DOCK8: variants seen among roughly 807,000 people sequenced by gnomAD.
DOCK8 encodes dedicator of cytokinesis protein 8.
A neutral mutation model predicts 245.6 loss-of-function variants in DOCK8; 141 were observed. That is an observed-to-expected ratio of 0.57 (90% CI 0.50 to 0.66). DOCK8 has a LOEUF of 0.66. DOCK8 is among the 30% of genes least tolerant of loss of function. DOCK8 has a pLI of 0.00. For synonymous variants in DOCK8, 1,168 were observed against 970.2 expected (o/e 1.20, Z -3.79); for missense variants, 2,965 against 2,603.4 (o/e 1.14, Z -3.02).
At chr9:348,709 T>G (rs1476428039) in intron 14 of DOCK8, among the ~76,000 whole-genome samples, 2 of 152,240 alleles carry the variant, frequency 1.3e-5, no homozygotes, top group African/African-American at 4.8e-5. Context: ...ATTTCTATAC[T>G]TTTGTTAGTT....
intron 1 of DOCK8, among the ~76,000 whole-genome samples, chr9:217,792 A>G (rs1385143741): frequency 2.0e-5 from 3 of 152,184 alleles, no homozygotes; most frequent in Non-Finnish European, 2.9e-5. Context: ...AAACTCATGA[A>G]GTCTTGTACA....
At chr9:308,158 T>C (rs2049934383) in intron 5 of DOCK8, among the ~76,000 whole-genome samples, 1 of 152,186 alleles carries the variant, frequency 6.6e-6, no homozygotes, top group Admixed American at 6.5e-5. Flanking sequence ...GTGACTAGAA[T>C]TAATAATAAT....
At chr9:307,904 C>G (rs1391631568) in intron 5 of DOCK8, among the ~76,000 whole-genome samples, 1 of 152,146 alleles carries the variant, frequency 6.6e-6, no homozygotes, top group Non-Finnish European at 1.5e-5. Context: ...GAAGTCCTGT[C>G]ATTTGCATCA....
intron 14 of DOCK8, among the ~76,000 whole-genome samples, chr9:367,146 A>T (rs941199645): frequency 6.6e-6 from 1 of 152,244 alleles, no homozygotes; most frequent in Non-Finnish European, 1.5e-5. Flanking sequence ...ATTAGTAAAT[A>T]TGAAGTATTT....
At chr9:317,450 C>A (rs752385043) in intron 7 of DOCK8, among the ~76,000 whole-genome samples, 1 of 152,164 alleles carries the variant, frequency 6.6e-6, no homozygotes, top group Non-Finnish European at 1.5e-5. Flanking sequence ...GTCGACTGTA[C>A]TAACTCGTGA....
At chr9:431,871 A>G (rs1296134383) in intron 36 of DOCK8, among the ~76,000 whole-genome samples, 1 of 152,160 alleles carries the variant, frequency 6.6e-6, no homozygotes, top group Non-Finnish European at 1.5e-5. Context: ...GTATTCTTGG[A>G]CCCAACTTTA....
chr9:234,898 A>G (rs1021332321), intron 1 of DOCK8, among the ~76,000 whole-genome samples: 3 of 152,070 alleles, frequency 2.0e-5, no homozygotes, highest in African/African-American at 7.3e-5. Flanking sequence ...CTCTCAACTC[A>G]TCAAAGTCAT....
intron 1 of DOCK8, among the ~76,000 whole-genome samples, chr9:262,040 C>T (rs62531337): frequency 0.1 from 10,934 of 104,796 alleles, 443 homozygotes; most frequent in African/African-American, 0.16. Context: ...AGAAAGACAC[C>T]GCGATTTACC....
chr9:366,429 T>C (rs1265333552), intron 14 of DOCK8: 1 of 152,230 alleles, frequency 6.6e-6, no homozygotes, highest in African/African-American at 2.4e-5. Context: ...TGTGTGTTCT[T>C]GATTGTTCCA....
chr9:414,353 G>A (rs1358984260), intron 28 of DOCK8, among the ~76,000 whole-genome samples: 1 of 152,236 alleles, frequency 6.6e-6, no homozygotes, highest in Non-Finnish European at 1.5e-5. Context: ...AAGGAATGAA[G>A]TACTGATGCT....
chr9:260,053 T>C (rs562090503), intron 1 of DOCK8, among the ~76,000 whole-genome samples: 1 of 152,352 alleles, frequency 6.6e-6, no homozygotes, highest in East Asian at 1.9e-4. Context: ...TATGGGTTGC[T>C]AGGGACATGG....
intron 14 of DOCK8, chr9:340,631 G>GA (rs1022289387): frequency 9.3e-6 from 2 of 214,728 alleles, no homozygotes; most frequent in African/African-American, 2.4e-5. Context: ...AAAAAAAAAA[G>GA]AAAAAAAGAA....
intron 28 of DOCK8, among the ~76,000 whole-genome samples, chr9:407,703 CCTAT>C (rs1202173816): frequency 2.6e-5 from 4 of 152,174 alleles, no homozygotes; most frequent in Non-Finnish European, 5.9e-5. Context: ...AAACCCACAG[CCTAT>C]CTGATTGGAC....
intron 16 of DOCK8, among the ~76,000 whole-genome samples, chr9:370,581 G>A (rs1453316028): frequency 6.6e-6 from 1 of 152,210 alleles, no homozygotes; most frequent in Non-Finnish European, 1.5e-5. Flanking sequence ...CGTTAATTAA[G>A]GAAACACATT....
At chr9:362,133 G>C (rs1400503222) in intron 14 of DOCK8, among the ~76,000 whole-genome samples, 1 of 152,170 alleles carries the variant, frequency 6.6e-6, no homozygotes, top group African/African-American at 2.4e-5. Flanking sequence ...TCACATGACT[G>C]ATTGGTCCTC....
At chr9:435,013 C>T in intron 39 of DOCK8, 38 bp downstream of exon 39, 1 of 1,607,214 alleles carries the variant, frequency 6.2e-7, no homozygotes, top group Non-Finnish European at 8.5e-7. Context: ...AGCAGTGGTT[C>T]TCAACTGGGG....
chr9:284,857 T>A (rs2048744539), intron 2 of DOCK8, among the ~76,000 whole-genome samples: 1 of 152,192 alleles, frequency 6.6e-6, no homozygotes, highest in African/African-American at 2.4e-5. Context: ...AACCAAATGC[T>A]GCATGTTCTC....
At position 214,995 on chromosome 9, in the gene DOCK8, G is replaced by T; in HGVS notation, c.19G>T (p.Ala7Ser). The T allele has an allele frequency of 6.3e-7, 1 of 1,596,788 alleles. No individual in the cohort carries two copies. Among genetic ancestry groups the T allele is most frequent in the Non-Finnish European group, 8.5e-7 (1 of 1,175,660 alleles). Residue 7 changes from alanine (A) to serine (S), a missense_variant, in exon 1 of 48, where the codon GCA becomes TCA. Coordinates refer to ENST00000432829, the MANE Select transcript of DOCK8 (RefSeq NM_203447.4). ...GCGGGCCATGGCCACTCTGCCGAGC[G>T]CAGAGCGCCGCGCGTTCGCGCTCAA... The part of the protein sequence containing the change: MATLPS[A>S]ERRAFALKIN...
chr9:297,453 G>C (rs78484738), intron 4 of DOCK8, among the ~76,000 whole-genome samples: 222 of 152,320 alleles, frequency 1.5e-3, no homozygotes, highest in African/African-American at 4.9e-3. Context: ...AAGGAATGCA[G>C]ATCTCCTGGG....
Sources: gnomAD v4.1 joint callset for allele counts (sites outside exome capture counted in the v4.1 genomes callset) on GRCh38, gnomAD v4.1.1 for gene constraint, MANE v1.5 for transcripts, NCBI Gene and HGNC (gene_info 2026-07-23, HGNC 2026-07-21) for gene names.